The following SMC6 variants were observed in gnomAD, a reference collection of about 807,000 sequenced individuals.
The protein encoded by SMC6 is structural maintenance of chromosomes 6, also known as structural maintenance of chromosomes protein 6.
Under a neutral mutation model 142.2 loss-of-function variants are expected in SMC6, and 79 were observed. The ratio of observed to expected loss-of-function variants is 0.56; its 90% CI spans 0.46 to 0.67. SMC6 has a LOEUF of 0.67. Among genes scored for constraint, SMC6 ranks in the 30% least tolerant of loss-of-function variants. The probability of loss-of-function intolerance (pLI) is 0.00; values close to 1 mark genes in which losing one functional copy is unlikely to be tolerated. For synonymous variants in SMC6, 411 were observed against 412.4 expected, an observed-to-expected ratio of 1.00 and a Z score of 0.04; for missense variants, 1,072 against 1,284.0, an observed-to-expected ratio of 0.83 and a Z score of 2.52.
At chr2:17,719,397 G>A (rs1434461666) in intron 11 of SMC6, among the ~76,000 whole-genome samples, 1 of 152,138 alleles carries the variant, frequency 6.6e-6, no homozygotes, top group South Asian at 2.1e-4. Flanking sequence ...TGTAAGACAA[G>A]GTGGTAAGGA....
chr2:17,701,543 T>C (rs1439363827), intron 20 of SMC6, among the ~76,000 whole-genome samples: 1 of 152,214 alleles, frequency 6.6e-6, no homozygotes, highest in Non-Finnish European at 1.5e-5. Context: ...ACAGCAGGGT[T>C]TGATGGGCCC....
chr2:17,726,363 T>C lies in SMC6; in HGVS notation c.624+26A>G, dbSNP rs760512154. The C allele has an allele frequency of 5.1e-6, 8 of 1,566,294 alleles. No homozygotes were observed. The East Asian group carries it at 1.3e-4, about 26-fold the overall frequency. On this transcript the variant is annotated intron_variant, in intron 8 of 27. Coordinates refer to ENST00000448223, the MANE Select transcript of SMC6 (RefSeq NM_001142286.2). Reference sequence around the variant, plus strand: ...CCTAAAGGTATTCTTTTTAAATGGGTTTATATTTACTTTGGTGCCACTTAC... The same window carrying C: ...CCTAAAGGTATTCTTTTTAAATGGGCTTATATTTACTTTGGTGCCACTTAC...
At chr2:17,716,356 G>A (rs1409877556) in intron 14 of SMC6, 92 bp from the exon 15 acceptor site, 9 of 1,203,202 alleles carry the variant, frequency 7.5e-6, no homozygotes, top group African/African-American at 3.2e-5. Flanking sequence ...CCCAGTGAAC[G>A]ACCCAGCTAG....
chr2:17,678,743 T>A, intron 25 of SMC6, 116 bp downstream of exon 25: 1 of 697,748 alleles, frequency 1.4e-6, no homozygotes, highest in Non-Finnish European at 2.4e-6. Flanking sequence ...ACCACTGCAC[T>A]CCAGCCTGGG....
At chr2:17,741,286 A>C (rs1670460239) in intron 4 of SMC6, among the ~76,000 whole-genome samples, 1 of 152,198 alleles carries the variant, frequency 6.6e-6, no homozygotes, top group East Asian at 1.9e-4. Flanking sequence ...TGCTCTTACA[A>C]TGTTTAGTAA....
chr2:17,688,523 C>A (rs1247162959), intron 23 of SMC6, among the ~76,000 whole-genome samples: 3 of 151,976 alleles, frequency 2.0e-5, no homozygotes, highest in African/African-American at 7.3e-5. Flanking sequence ...CGAGATCCTG[C>A]CACTGAACTC....
chr2:17,666,181 A>G (rs1666488014), intron 27 of SMC6, among the ~76,000 whole-genome samples: 1 of 152,272 alleles, frequency 6.6e-6, no homozygotes. Context: ...AACTACAAAG[A>G]AGCAGACTCA....
At chr2:17,694,741 T>TTTTATA (rs374423202) in intron 23 of SMC6, among the ~76,000 whole-genome samples, 21,100 of 152,226 alleles carry the variant, frequency 0.14, 1,740 homozygotes, top group African/African-American at 0.24. Context: ...ATCAAGAGCA[T>TTTTATA]CTGTTTTTAT....
chr2:17,709,688 G>A (rs1395119080), intron 16 of SMC6, among the ~76,000 whole-genome samples: 1 of 152,148 alleles, frequency 6.6e-6, no homozygotes, highest in Non-Finnish European at 1.5e-5. Context: ...TGTTCATGGA[G>A]CTTACATTTT....
At chr2:17,723,985 T>G (rs2125023174) in intron 9 of SMC6, among the ~76,000 whole-genome samples, 1 of 152,318 alleles carries the variant, frequency 6.6e-6, no homozygotes, top group African/African-American at 2.4e-5. Flanking sequence ...TTTAGGGAAG[T>G]GCTCCTTATA....
intron 3 of SMC6, among the ~76,000 whole-genome samples, chr2:17,745,326 T>C (rs1670691617): frequency 6.6e-6 from 1 of 152,188 alleles, no homozygotes; most frequent in African/African-American, 2.4e-5. Flanking sequence ...ACTGGGCCTG[T>C]AGATTTCTTT....
chr2:17,684,176 TC>T (rs936291379), intron 23 of SMC6, among the ~76,000 whole-genome samples: 5 of 152,104 alleles, frequency 3.3e-5, no homozygotes, highest in Admixed American at 3.3e-4. Context: ...GAATCCACCC[TC>T]CCCTGTCCTA....
In SMC6 at chr2:17,717,082, CCCTA is replaced by C. The variant is rs1558358457; in HGVS notation, c.1181+2_1181+5del. 1 of 1,608,696 alleles carries C rather than the reference CCCTA, an allele frequency of 6.2e-7. No individual in the cohort carries two copies. Reference sequence around the variant, plus strand: ...AGCCATGAAAATTTCAAAGTAACTACCCTACCTTTTTTTCAGCTCTTCAATTCGT... The same window carrying C: ...AGCCATGAAAATTTCAAAGTAACTACCCTTTTTTTCAGCTCTTCAATTCGT... On this transcript the variant is annotated splice_donor_variant and splice_donor_5th_base_variant and intron_variant, in intron 13 of 27. Transcript: ENST00000448223. LOFTEE classifies it high-confidence loss of function.
At chr2:17,747,216 A>G (rs985452152) in intron 2 of SMC6, among the ~76,000 whole-genome samples, 5 of 152,176 alleles carry the variant, frequency 3.3e-5, no homozygotes, top group Admixed American at 3.3e-4. Context: ...GGCCTAGTGG[A>G]AAGTCGGGAC....
Position 17,718,155 on chromosome 2 carries a change from C to G in SMC6, c.1014G>C (p.Glu338Asp). 1 of 1,611,872 alleles carries G rather than the reference C, an allele frequency of 6.2e-7. No homozygotes were observed. The highest frequency in any genetic ancestry group is 8.5e-7 in the Non-Finnish European group (1 of 1,178,664). The change falls in exon 12 of 28, where the codon GAG becomes GAC. Residue 338 changes from glutamate (E) to aspartate (D), a missense_variant. Around this residue, in one of 3 missense-constraint regions of SMC6, gnomAD observed 994 missense variants for 1,153.2 expected, o/e 0.86. Transcript: ENST00000448223. ...IQDKLEKISE[E>D]TNARAPECMA... ...TACATTCTGGTGCTCGTGCATTTGT[C>G]TCTTCACTAATCTTTTCTAGTTTGT...
intron 9 of SMC6, among the ~76,000 whole-genome samples, chr2:17,724,705 C>T (rs569935065): frequency 9.2e-5 from 14 of 152,238 alleles, no homozygotes; most frequent in South Asian, 4.2e-4. Flanking sequence ...TGATTTAAAG[C>T]GCAAGCAAAT....
intron 26 of SMC6, among the ~76,000 whole-genome samples, chr2:17,667,028 T>C (rs1666530115): frequency 6.6e-6 from 1 of 152,210 alleles, no homozygotes; most frequent in Non-Finnish European, 1.5e-5. Flanking sequence ...TGAATAAATA[T>C]GTCTTTCAGG....
At chr2:17,724,263 C>T (rs771164436) in intron 9 of SMC6, among the ~76,000 whole-genome samples, 6 of 152,014 alleles carry the variant, frequency 3.9e-5, no homozygotes, top group Non-Finnish European at 8.8e-5. Flanking sequence ...ACCACATAAC[C>T]CAGGTTTGAA....
chr2:17,742,907 A>G (rs1048820354), intron 3 of SMC6, among the ~76,000 whole-genome samples: 1 of 152,174 alleles, frequency 6.6e-6, no homozygotes, highest in Non-Finnish European at 1.5e-5. Flanking sequence ...CATCATCACC[A>G]GGATCCCACA....
Sources: allele counts gnomAD v4.1 joint callset (sites outside exome capture counted in the v4.1 genomes callset), GRCh38; gene constraint gnomAD v4.1.1; regional missense constraint gnomAD v4.1.1; transcripts MANE v1.5; gene names NCBI Gene and HGNC (gene_info 2026-07-23, HGNC 2026-07-21).